Variants in DTNB observed in about 807,000 individuals in gnomAD.
The protein encoded by DTNB is DTN-B.
DTNB carries 63 observed loss-of-function variants against 90.7 expected under a neutral mutation model. The observed-to-expected ratio is 0.69, with a 90% CI of 0.57 to 0.86. The LOEUF (loss-of-function observed/expected upper bound fraction) is 0.86, where lower values mean the gene tolerates loss of function less well. Ranked by LOEUF, DTNB falls within the 40% of genes least tolerant of loss-of-function variation. DTNB has a pLI of 0.00. For missense variants in DTNB, 744 were observed against 807.1 expected (o/e 0.92, Z 0.95); for synonymous variants, 277 against 286.7 (o/e 0.97, Z 0.34).
intron 10 of DTNB, among the ~76,000 whole-genome samples, chr2:25,469,475 C>T (rs1372330917): frequency 6.6e-6 from 1 of 152,088 alleles, no homozygotes; most frequent in Non-Finnish European, 1.5e-5. Flanking sequence ...GATGGAGTCT[C>T]ACTCTTGTCA....
chr2:25,599,346 AT>A (rs34887301), intron 5 of DTNB, among the ~76,000 whole-genome samples: 68,703 of 147,274 alleles, frequency 0.47, 15,938 homozygotes, highest in Middle Eastern at 0.54. Context: ...CTAACTAGCA[AT>A]TTTTTTTTTT....
At chr2:25,418,733 C>T (rs1040054333) in intron 16 of DTNB, among the ~76,000 whole-genome samples, 3 of 150,122 alleles carry the variant, frequency 2.0e-5, no homozygotes, top group Non-Finnish European at 3.0e-5. Flanking sequence ...AAAAATTAAA[C>T]GTTTTGTATT....
chr2:25,404,886 G>T (rs2044681642), intron 16 of DTNB, among the ~76,000 whole-genome samples: 1 of 151,876 alleles, frequency 6.6e-6, no homozygotes, highest in Non-Finnish European at 1.5e-5. Context: ...CCACAGATAG[G>T]AAAACTACAC....
At chr2:25,432,749 G>A in intron 14 of DTNB, 137 bp downstream of exon 14, 1 of 848,984 alleles carries the variant, frequency 1.2e-6, no homozygotes, top group Non-Finnish European at 1.9e-6. Flanking sequence ...CAACAGAATG[G>A]GTGAACTCTT....
chr2:25,433,871 C>A (rs755308661), intron 13 of DTNB, 39 bp downstream of exon 13: 1 of 1,607,838 alleles, frequency 6.2e-7, no homozygotes, highest in Non-Finnish European at 8.5e-7. Context: ...ACGTGATAAT[C>A]CTGGACTCTG....
chr2:25,510,092 G>C (rs2073606205), intron 9 of DTNB, among the ~76,000 whole-genome samples: 1 of 151,756 alleles, frequency 6.6e-6, no homozygotes, highest in East Asian at 1.9e-4. Flanking sequence ...CTATGAACTT[G>C]GGACAATTTC....
At chr2:25,631,726 T>C (rs2075802375) in intron 3 of DTNB, among the ~76,000 whole-genome samples, 1 of 152,132 alleles carries the variant, frequency 6.6e-6, no homozygotes, top group African/African-American at 2.4e-5. Flanking sequence ...GTGGGAGATA[T>C]TAACTCACCT....
intron 2 of DTNB, among the ~76,000 whole-genome samples, chr2:25,639,505 G>A (rs761582385): frequency 4.6e-5 from 7 of 151,882 alleles, no homozygotes; most frequent in Admixed American, 2.6e-4. Flanking sequence ...GTGGCCATGC[G>A]GCGTGCCTCT....
At chr2:25,398,490 A>G (rs1046795826) in intron 16 of DTNB, among the ~76,000 whole-genome samples, 4 of 152,200 alleles carry the variant, frequency 2.6e-5, no homozygotes, top group African/African-American at 9.7e-5. Flanking sequence ...TGGGTGGGTC[A>G]GAGGCACAAG....
intron 1 of DTNB, among the ~76,000 whole-genome samples, chr2:25,656,434 T>TACC (rs2082078762): frequency 6.6e-6 from 1 of 152,202 alleles, no homozygotes; most frequent in Non-Finnish European, 1.5e-5. Flanking sequence ...AGACCAATGC[T>TACC]ACCATGAATG....
intron 9 of DTNB, among the ~76,000 whole-genome samples, chr2:25,526,396 T>TATATATATATA (rs1491443224): frequency 6.3e-4 from 22 of 34,950 alleles, no homozygotes; most frequent in African/African-American, 1.2e-3. Context: ...TATATATATA[T>TATATATATATA]TTTTTTTTTT....
At position 25,565,321 on chromosome 2, in the gene DTNB, C is replaced by T. The variant is rs370246356; in HGVS notation, c.876+11517G>A. Reference sequence around the variant, plus strand: ...ATGCAATCATAACTTACTGCAGCCTCAACCTCCCAGGCTCAAGTGATCCTC... The same window carrying T: ...ATGCAATCATAACTTACTGCAGCCTTAACCTCCCAGGCTCAAGTGATCCTC... On this transcript the variant is annotated intron_variant, in intron 8 of 20. Coordinates refer to ENST00000406818, the MANE Select transcript of DTNB (RefSeq NM_021907.5). Among the ~76,000 whole-genome samples the T allele has an allele frequency of 2.0e-5, 3 of 152,192 alleles. No individual in the cohort carries two copies. The East Asian group carries it at 5.8e-4, about 29-fold the overall frequency.
At chr2:25,535,815 A>G (rs2079543943) in intron 8 of DTNB, among the ~76,000 whole-genome samples, 1 of 140,016 alleles carries the variant, frequency 7.1e-6, no homozygotes, top group Admixed American at 7.1e-5. Context: ...AGCCGGGCAG[A>G]GGTGCTCCTC....
chr2:25,617,560 A>G (rs1016092461), intron 4 of DTNB, among the ~76,000 whole-genome samples: 1 of 152,216 alleles, frequency 6.6e-6, no homozygotes, highest in East Asian at 1.9e-4. Context: ...AAAAATATAC[A>G]CAAAAGTTAT....
intron 2 of DTNB, among the ~76,000 whole-genome samples, chr2:25,652,217 T>C (rs188659542): frequency 1.3e-5 from 2 of 152,232 alleles, no homozygotes; most frequent in East Asian, 3.8e-4. Context: ...CTGAGTCCTC[T>C]CTGTCTCAGA....
intron 8 of DTNB, among the ~76,000 whole-genome samples, chr2:25,531,801 C>A (rs636586): frequency 0.29 from 44,682 of 152,058 alleles, 7,501 homozygotes; most frequent in East Asian, 0.51. Flanking sequence ...TCTGCAGTTC[C>A]TCCCTCATGT....
At chr2:25,416,258 G>A (rs891796974) in intron 16 of DTNB, among the ~76,000 whole-genome samples, 2 of 152,202 alleles carry the variant, frequency 1.3e-5, no homozygotes, top group African/African-American at 4.8e-5. Flanking sequence ...AAATCCCTAA[G>A]GGGAATGAAG....
intron 10 of DTNB, among the ~76,000 whole-genome samples, chr2:25,480,495 G>GT (rs141657443): frequency 0.079 from 12,044 of 152,260 alleles, 678 homozygotes; most frequent in Non-Finnish European, 0.12. Context: ...GCCTGCAGGT[G>GT]TAACACAGCA....
At chr2:25,419,842 T>C (rs1209395925) in intron 15 of DTNB, among the ~76,000 whole-genome samples, 2 of 152,192 alleles carry the variant, frequency 1.3e-5, no homozygotes, top group Non-Finnish European at 2.9e-5. Flanking sequence ...CTGACCTGCC[T>C]AAGGTTCACA....
Sources: allele counts gnomAD v4.1 joint callset (sites outside exome capture counted in the v4.1 genomes callset), GRCh38; gene constraint gnomAD v4.1.1; transcripts MANE v1.5; gene names NCBI Gene and HGNC (gene_info 2026-07-23, HGNC 2026-07-21).